Variants in IMMP2L observed in about 807,000 individuals in gnomAD.
IMMP2L encodes the protein inner mitochondrial membrane peptidase subunit 2.
IMMP2L carries 18 observed loss-of-function variants against 19.3 expected under a neutral mutation model. The observed-to-expected ratio is 0.93, with a 90% CI of 0.64 to 1.38. The LOEUF (loss-of-function observed/expected upper bound fraction) is 1.38, where lower values mean the gene tolerates loss of function less well. IMMP2L is among the 40% of genes most tolerant of loss of function. The pLI is 0.00. For synonymous variants in IMMP2L, 76 were observed against 73.0 expected, an observed-to-expected ratio of 1.04 and a Z score of -0.21; for missense variants, 233 against 218.2, an observed-to-expected ratio of 1.07 and a Z score of -0.43.
At chr7:111,177,725 C>T (rs982107680) in intron 3 of IMMP2L, among the ~76,000 whole-genome samples, 2 of 151,982 alleles carry the variant, frequency 1.3e-5, no homozygotes, top group South Asian at 2.1e-4. Flanking sequence ...CCAAGACAAG[C>T]CTTTGCCCTA....
intron 5 of IMMP2L, among the ~76,000 whole-genome samples, chr7:110,839,389 T>C (rs1794567319): frequency 6.6e-6 from 1 of 152,128 alleles, no homozygotes. Flanking sequence ...CATTTTCAAC[T>C]TAGGTTAATA....
chr7:110,905,007 A>T (rs759160197), intron 4 of IMMP2L, among the ~76,000 whole-genome samples: 1 of 152,160 alleles, frequency 6.6e-6, no homozygotes, highest in African/African-American at 2.4e-5. Flanking sequence ...TGATCAGATA[A>T]AATATGCTTA....
chr7:110,763,123 C>T (rs1415942990), intron 5 of IMMP2L, among the ~76,000 whole-genome samples: 1 of 152,014 alleles, frequency 6.6e-6, no homozygotes. Flanking sequence ...GGGTTTCTTT[C>T]CTTCTTTGGG....
intron 4 of IMMP2L, among the ~76,000 whole-genome samples, chr7:110,910,821 T>A (rs1340602672): frequency 1.3e-5 from 2 of 152,274 alleles, no homozygotes; most frequent in East Asian, 3.9e-4. Flanking sequence ...AGTTGACAAC[T>A]CATAATTCTA....
At chr7:111,180,863 T>C (rs1251856518) in intron 3 of IMMP2L, among the ~76,000 whole-genome samples, 1 of 152,058 alleles carries the variant, frequency 6.6e-6, no homozygotes, top group Non-Finnish European at 1.5e-5. Flanking sequence ...ATTAGGTTTC[T>C]ATGCTGTTTC....
At chr7:111,056,016 CA>C (rs34853244) in intron 3 of IMMP2L, among the ~76,000 whole-genome samples, 118,079 of 152,076 alleles carry the variant, frequency 0.78, 48,382 homozygotes, top group Non-Finnish European at 0.9. Context: ...TATATTTTAT[CA>C]ATTAAAGCCT....
chr7:110,824,243 T>C (rs530474120), intron 5 of IMMP2L, among the ~76,000 whole-genome samples: 1 of 152,092 alleles, frequency 6.6e-6, no homozygotes, highest in Admixed American at 6.6e-5. Flanking sequence ...AATGTCTCCT[T>C]TCACCCTTCT....
intron 5 of IMMP2L, among the ~76,000 whole-genome samples, chr7:110,826,555 G>A (rs1803510785): frequency 6.6e-6 from 1 of 152,112 alleles, no homozygotes; most frequent in Non-Finnish European, 1.5e-5. Flanking sequence ...GATGAAGCTG[G>A]AAACCATCAT....
intron 3 of IMMP2L, among the ~76,000 whole-genome samples, chr7:111,079,291 G>A: frequency 1.0e-5 from 1 of 96,726 alleles, no homozygotes; most frequent in African/African-American, 3.0e-5. Flanking sequence ...CTAATTTTTT[G>A]TATTTTTAGT....
chr7:111,502,677 C>T (rs542156828), intron 2 of IMMP2L, among the ~76,000 whole-genome samples: 2,849 of 151,196 alleles, frequency 0.019, 80 homozygotes, highest in African/African-American at 0.066. Flanking sequence ...CACTCAAAAC[C>T]ACTCAACTAC....
chr7:111,265,081 A>G lies in IMMP2L; in HGVS notation c.239+222157T>C, dbSNP rs983958577. ...ATGAGCTTCAAAGAGCTGTGGGATA[A>G]TTTAGTACTAATCTAAAGAGATAGA... On this transcript the variant is annotated intron_variant, in intron 3 of 5. Transcript: ENST00000405709. Among the ~76,000 whole-genome samples, 14 of 152,190 alleles carry G rather than the reference A, an allele frequency of 9.2e-5. 1 individual carries two copies. The highest frequency in any genetic ancestry group is 2.7e-4 in the African/African-American group (11 of 41,452).
chr7:110,801,937 T>A (rs1801275324), intron 5 of IMMP2L, among the ~76,000 whole-genome samples: 1 of 152,076 alleles, frequency 6.6e-6, no homozygotes, highest in Non-Finnish European at 1.5e-5. Flanking sequence ...ACTCACAGTT[T>A]TAGGATCCTC....
At chr7:110,991,411 T>A (rs1017744370) in intron 3 of IMMP2L, among the ~76,000 whole-genome samples, 1 of 152,210 alleles carries the variant, frequency 6.6e-6, no homozygotes, top group Non-Finnish European at 1.5e-5. Flanking sequence ...TCATAATGAA[T>A]ATTTTACAAT....
intron 5 of IMMP2L, among the ~76,000 whole-genome samples, chr7:110,858,390 T>C (rs1169857290): frequency 6.6e-6 from 1 of 151,924 alleles, no homozygotes; most frequent in East Asian, 1.9e-4. Context: ...TTTGCAACAC[T>C]AATTTAATCA....
intron 3 of IMMP2L, chr7:111,392,743 ACT>A (rs1832484465): frequency 4.4e-6 from 2 of 456,468 alleles, no homozygotes; most frequent in Non-Finnish European, 8.8e-6. Context: ...TCCTCCCCTC[ACT>A]TCAGGTTCAG....
intron 3 of IMMP2L, among the ~76,000 whole-genome samples, chr7:111,006,964 C>T (rs1824354083): frequency 6.6e-6 from 1 of 152,070 alleles, no homozygotes; most frequent in South Asian, 2.1e-4. Context: ...TTCTGACTTC[C>T]CCACTTTCCC....
At chr7:110,770,646 T>A (rs1473244327) in intron 5 of IMMP2L, among the ~76,000 whole-genome samples, 4 of 152,186 alleles carry the variant, frequency 2.6e-5, no homozygotes, top group Non-Finnish European at 4.4e-5. Flanking sequence ...TGAGCAGATC[T>A]GCATCTTCAC....
Position 110,891,672 on chromosome 7 carries a change from G to A in IMMP2L, c.306-4977C>T, listed in dbSNP as rs188408628. 2.0e-3 allele frequency among the ~76,000 whole-genome samples: 306 copies of A among 152,022 alleles called. 2 individuals are homozygous for A. The highest frequency in any genetic ancestry group is 6.9e-3 in the African/African-American group (288 of 41,498). ...AAAGGGAATTAAATACATGAGTAAG[G>A]AAGAATATAATATTTTAAAGATAGA... is the stretch of plus-strand genomic sequence containing the variant. On this transcript the variant is annotated intron_variant, in intron 4 of 5. Coordinates refer to ENST00000405709, the MANE Select transcript of IMMP2L (RefSeq NM_032549.4).
At chr7:111,446,390 T>TCCCTGAC (rs1489777527) in intron 3 of IMMP2L, among the ~76,000 whole-genome samples, 1 of 146,710 alleles carries the variant, frequency 6.8e-6, no homozygotes, top group Non-Finnish European at 1.5e-5. Context: ...CTCAAGTGGG[T>TCCCTGAC]CCCTGACCCC....
Sources: gnomAD v4.1 joint callset for allele counts (sites outside exome capture counted in the v4.1 genomes callset) on GRCh38, gnomAD v4.1.1 for gene constraint, MANE v1.5 for transcripts, NCBI Gene and HGNC (gene_info 2026-07-23, HGNC 2026-07-21) for gene names.